Variants in ZHX2 observed in about 807,000 individuals in gnomAD.
ZHX2 encodes zinc fingers and homeoboxes 2, also known as zinc fingers and homeoboxes protein 2.
A neutral mutation model predicts 21.9 loss-of-function variants in ZHX2; 6 were observed. The observed-to-expected ratio is 0.27, with a 90% CI of 0.15 to 0.54. The LOEUF is 0.54. ZHX2 is among the 20% of genes least tolerant of loss of function. The pLI is 0.95. For missense variants in ZHX2, 908 were observed against 1,090.7 expected, an observed-to-expected ratio of 0.83 and a Z score of 2.36; for synonymous variants, 434 against 437.1, an observed-to-expected ratio of 0.99 and a Z score of 0.09.
chr8:122,943,866 C>T (rs2130229005), intron 2 of ZHX2, among the ~76,000 whole-genome samples: 1 of 152,340 alleles, frequency 6.6e-6, no homozygotes, highest in South Asian at 2.1e-4. Flanking sequence ...CTTTGACCCT[C>T]CCTTGCCTGC....
intron 3 of ZHX2, among the ~76,000 whole-genome samples, chr8:122,959,229 G>GA (rs1813382871): frequency 6.6e-6 from 1 of 152,128 alleles, no homozygotes; most frequent in African/African-American, 2.4e-5. Context: ...TGGAGAAGAG[G>GA]AAAAAATTGT....
chr8:122,795,831 T>C (rs998516098), intron 1 of ZHX2, among the ~76,000 whole-genome samples: 36 of 152,290 alleles, frequency 2.4e-4, no homozygotes, highest in Middle Eastern at 3.4e-3. Context: ...TGATCCCATA[T>C]ACTTGCCCTG....
intron 2 of ZHX2, among the ~76,000 whole-genome samples, chr8:122,927,590 A>T (rs1265909683): frequency 1.3e-5 from 2 of 152,208 alleles, no homozygotes; most frequent in African/African-American, 2.4e-5. Context: ...AATCATGGCG[A>T]AAGAGCAAGG....
chr8:122,911,826 A>G (rs1002627989), intron 2 of ZHX2, among the ~76,000 whole-genome samples: 1 of 151,882 alleles, frequency 6.6e-6, no homozygotes, highest in African/African-American at 2.4e-5. Context: ...TTCCATGAAG[A>G]TGGTACATTT....
intron 2 of ZHX2, among the ~76,000 whole-genome samples, chr8:122,899,613 C>A (rs188926337): frequency 1.3e-5 from 2 of 152,292 alleles, no homozygotes; most frequent in African/African-American, 4.8e-5. Flanking sequence ...GAAATGCCGT[C>A]ATGAGTTTTT....
At chr8:122,929,316 A>G (rs1586396417) in intron 2 of ZHX2, among the ~76,000 whole-genome samples, 1 of 152,120 alleles carries the variant, frequency 6.6e-6, no homozygotes, top group South Asian at 2.1e-4. Flanking sequence ...TTGCTTCTTC[A>G]TATCTTTATA....
rs1286464556 is a variant in ZHX2 at position 122,828,983 on chromosome 8, T to C, written c.-282-34494T>C. On this transcript the variant is annotated intron_variant, in intron 1 of 3. Coordinates refer to ENST00000314393, the MANE Select transcript of ZHX2 (RefSeq NM_014943.5). This position sits in a 1 kb window ranked among gnomAD's most constrained non-coding sequence, Gnocchi z 5.2. ...ACTACATTTCACCAAAAAGAAAACA[T>C]TTACTTAACTCTGAGCCATTTATTA... Among the ~76,000 whole-genome samples, 1 of 152,218 alleles carries C rather than the reference T, an allele frequency of 6.6e-6. No homozygotes were observed. Among genetic ancestry groups the C allele is most frequent in the African/African-American group, 2.4e-5 (1 of 41,454 alleles).
chr8:122,807,702 G>C (rs1161658241), intron 1 of ZHX2: 3 of 152,268 alleles, frequency 2.0e-5, no homozygotes, highest in African/African-American at 7.2e-5. Flanking sequence ...GACGCTTACT[G>C]TGTGCTTTTA....
chr8:122,892,509 C>T (rs563570153), intron 2 of ZHX2, among the ~76,000 whole-genome samples: 147 of 151,842 alleles, frequency 9.7e-4, no homozygotes, highest in African/African-American at 3.3e-3. Flanking sequence ...TCCTTTCTTC[C>T]TCTCTTATTG....
In ZHX2 at chr8:122,782,677, C is replaced by T. The variant is rs1459179506; in HGVS notation, c.-283+731C>T. 1.3e-5 allele frequency among the ~76,000 whole-genome samples: 2 copies of T among 152,038 alleles called. No homozygotes were observed. The highest frequency in any genetic ancestry group is 2.9e-5 in the Non-Finnish European group (2 of 67,968). ...CCGAGCTACCTGGCGGGGGCAGGGC[C>T]GGAGCGCGGCGCTGTCCTCACCCCC... On this transcript the variant is annotated intron_variant, in intron 1 of 3. Coordinates refer to ENST00000314393, the MANE Select transcript of ZHX2 (RefSeq NM_014943.5). This position sits in a 1 kb window ranked among gnomAD's most constrained non-coding sequence, Gnocchi z 5.3.
At chr8:122,832,991 G>C (rs1056840739) in intron 1 of ZHX2, among the ~76,000 whole-genome samples, 2 of 152,096 alleles carry the variant, frequency 1.3e-5, no homozygotes, top group African/African-American at 4.8e-5. Flanking sequence ...CGCAAGCAAG[G>C]GCCTGTACGA....
At chr8:122,876,089 C>G (rs11777545) in intron 2 of ZHX2, among the ~76,000 whole-genome samples, 3 of 150,272 alleles carry the variant, frequency 2.0e-5, no homozygotes, top group Non-Finnish European at 4.4e-5. Context: ...CCCTCCATCC[C>G]TCCACCCACC....
intron 2 of ZHX2, among the ~76,000 whole-genome samples, chr8:122,916,943 A>G (rs192903695): frequency 6.6e-6 from 1 of 151,094 alleles, no homozygotes; most frequent in Non-Finnish European, 1.5e-5. Context: ...TTGCTCATGC[A>G]TTTCTCCTGA....
chr8:122,815,019 T>C (rs974868395), intron 1 of ZHX2, among the ~76,000 whole-genome samples: 1 of 152,200 alleles, frequency 6.6e-6, no homozygotes, highest in African/African-American at 2.4e-5. Flanking sequence ...CTTAATCTCC[T>C]TGAGTCTCGT....
At chr8:122,841,761 C>T (rs1474513564) in intron 1 of ZHX2, among the ~76,000 whole-genome samples, 1 of 152,172 alleles carries the variant, frequency 6.6e-6, no homozygotes, top group Admixed American at 6.5e-5. Flanking sequence ...GCTCGGAAAG[C>T]CTCTTCATGT....
At chr8:122,792,651 T>C (rs1429120371) in intron 1 of ZHX2, among the ~76,000 whole-genome samples, 1 of 152,146 alleles carries the variant, frequency 6.6e-6, no homozygotes, top group Non-Finnish European at 1.5e-5. Flanking sequence ...TTGTCATTAG[T>C]CCCATTTTAC....
chr8:122,824,526 C>T (rs1011866319), intron 1 of ZHX2, among the ~76,000 whole-genome samples: 1 of 152,192 alleles, frequency 6.6e-6, no homozygotes, highest in East Asian at 1.9e-4. Flanking sequence ...GTGCCTGTTC[C>T]CCTCTTCCAT....
intron 2 of ZHX2, among the ~76,000 whole-genome samples, chr8:122,897,811 A>C (rs1281437858): frequency 6.6e-6 from 1 of 152,178 alleles, no homozygotes; most frequent in African/African-American, 2.4e-5. Context: ...AAGTGGGGCT[A>C]AGAGGGTCAC....
At chr8:122,805,969 A>T (rs937417201) in intron 1 of ZHX2, among the ~76,000 whole-genome samples, 1 of 152,108 alleles carries the variant, frequency 6.6e-6, no homozygotes, top group African/African-American at 2.4e-5. Flanking sequence ...ATCTTTCTTG[A>T]GTCTGGTTAA....
Sources: gnomAD v4.1 joint callset for allele counts (sites outside exome capture counted in the v4.1 genomes callset) on GRCh38, gnomAD v4.1.1 for gene constraint, Gnocchi (gnomAD v3.1) non-coding constraint, MANE v1.5 for transcripts, NCBI Gene and HGNC (gene_info 2026-07-23, HGNC 2026-07-21) for gene names.